The following KLHL10 variants were observed in gnomAD, a reference collection of about 807,000 sequenced individuals.
KLHL10 encodes kelch-like protein 10.
A neutral mutation model predicts 46.6 loss-of-function variants in KLHL10; 11 were observed. The observed-to-expected ratio is 0.24, with a 90% CI of 0.15 to 0.39. The LOEUF (loss-of-function observed/expected upper bound fraction) is 0.39, where lower values mean the gene tolerates loss of function less well. Ranked by LOEUF, KLHL10 falls within the 10% of genes least tolerant of loss-of-function variation. The probability of loss-of-function intolerance (pLI) is 1.00; values close to 1 mark genes in which losing one functional copy is unlikely to be tolerated. For synonymous variants in KLHL10, 254 were observed against 279.1 expected (o/e 0.91, Z 0.90); for missense variants, 475 against 789.8 (o/e 0.60, Z 4.78).
chr17:41,838,259 T>A (rs1330761625), intron 1 of KLHL10, 133 bp downstream of exon 1: 2 of 802,308 alleles, frequency 2.5e-6, no homozygotes, highest in African/African-American at 1.8e-5. Context: ...CCTTAAAAAT[T>A]AAAAAAAAAT....
rs1402652756 is a variant in KLHL10, at chr17:41,837,872, C to G, written c.-61C>G. The G allele has an allele frequency of 6.8e-6, 11 of 1,607,228 alleles. No homozygotes were observed. The highest frequency in any genetic ancestry group is 8.5e-6 in the Non-Finnish European group (10 of 1,178,844). ...AAGGAGCGACAGCTGGCTAAAGGGGCCCCCCACAACCCTCCCCGACACCCT... is the reference window on the plus strand; with the variant it reads ...AAGGAGCGACAGCTGGCTAAAGGGGGCCCCCACAACCCTCCCCGACACCCT... On this transcript the variant is annotated 5_prime_UTR_variant, in exon 1 of 5. Transcript: ENST00000293303.
At chr17:41,847,479 T>C in intron 4 of KLHL10, 69 bp downstream of exon 4, 1 of 1,580,126 alleles carries the variant, frequency 6.3e-7, no homozygotes, top group South Asian at 1.1e-5. Flanking sequence ...AGTAAATGGG[T>C]TTATGCTACT....
intron 1 of KLHL10, among the ~76,000 whole-genome samples, chr17:41,840,837 C>T (rs781986805): frequency 1.1e-4 from 17 of 151,982 alleles, no homozygotes; most frequent in Non-Finnish European, 1.9e-4. Flanking sequence ...AAGCAAAAGC[C>T]GGGCATGGTG....
At chr17:41,839,225 C>T (rs990953496) in intron 1 of KLHL10, among the ~76,000 whole-genome samples, 2 of 152,040 alleles carry the variant, frequency 1.3e-5, no homozygotes, top group African/African-American at 4.8e-5. Flanking sequence ...CACCTGACTT[C>T]GTGATCCACC....
chr17:41,846,332 C>T (rs934522135), intron 3 of KLHL10, among the ~76,000 whole-genome samples: 1 of 151,920 alleles, frequency 6.6e-6, no homozygotes, highest in African/African-American at 2.4e-5. Flanking sequence ...ACCATCCTGG[C>T]TAACATGGTG....
At position 41,847,400 on chromosome 17, in the gene KLHL10, A is replaced by G; in HGVS notation, c.1442A>G (p.His481Arg). Reference protein sequence around the residue: ...SGIGVIAYGEHVYAVGGFDGA... With the variant: ...SGIGVIAYGERVYAVGGFDGA... ...ATAGGCGTGATTGCTTATGGAGAACATGTATATGCGGTAAGTTTATCTAGT... is the reference window on the plus strand; with the variant it reads ...ATAGGCGTGATTGCTTATGGAGAACGTGTATATGCGGTAAGTTTATCTAGT... Residue 481 changes from histidine to arginine, a missense_variant, in exon 4 of 5, where the codon CAT becomes CGT. By Grantham distance (29) the His-to-Arg change is conservative. Coordinates refer to ENST00000293303, the MANE Select transcript of KLHL10 (RefSeq NM_152467.5). 1.2e-6 allele frequency: 2 copies of G among 1,614,092 alleles called. No homozygotes were observed. The highest frequency in any genetic ancestry group is 1.7e-6 in the Non-Finnish European group (2 of 1,179,984).
rs555345120 is a variant in KLHL10 at position 41,841,931 on chromosome 17, C to A, written c.303C>A (p.Thr101=). 3 of 1,614,198 alleles carry A rather than the reference C, an allele frequency of 1.9e-6. No homozygotes were observed. The highest frequency in any genetic ancestry group is 2.7e-5 in the African/African-American group (2 of 75,050). ...KLIIEYAYTR[T]VPITPDNVEK... ...TCATTGAGTATGCATACACCCGGAC[C>A]GTGCCTATCACACCGGACAATGTGG... The change falls in exon 2 of 5, where the codon ACC becomes ACA. Residue 101 remains threonine, a synonymous_variant. Transcript: ENST00000293303.
chr17:41,841,571 C>T (rs2048226623), intron 1 of KLHL10, among the ~76,000 whole-genome samples: 1 of 152,172 alleles, frequency 6.6e-6, no homozygotes, highest in African/African-American at 2.4e-5. Context: ...CTTCGGCCTC[C>T]CAAAGTGCTG....
At position 41,845,226 on chromosome 17, in the gene KLHL10, C is replaced by T. The variant is rs551889721; in HGVS notation, c.785C>T (p.Ala262Val). The stretch of plus-strand genomic sequence containing the variant: ...GAATGCAAACCAGTCATCATTAATG[C>T]CCTAAAGGCCATGTATGACCTCAAC... Reference protein sequence around the residue: ...SEECKPVIINALKAMYDLNMN... With the variant: ...SEECKPVIINVLKAMYDLNMN... The change falls in exon 3 of 5, where the codon GCC becomes GTC. Residue 262 changes from alanine (A) to valine (V), a missense_variant. Physicochemically the swap from Ala to Val is moderately conservative, Grantham distance 64. Coordinates refer to ENST00000293303, the MANE Select transcript of KLHL10 (RefSeq NM_152467.5). 2 of 1,614,190 alleles carry T rather than the reference C, an allele frequency of 1.2e-6. No individual in the cohort carries two copies. The highest frequency in any genetic ancestry group is 2.2e-5 in the South Asian group (2 of 91,082).
chr17:41,847,149 AG>A, intron 3 of KLHL10, 111 bp from the exon 4 acceptor site: 2 of 949,202 alleles, frequency 2.1e-6, no homozygotes, highest in East Asian at 2.4e-5. Context: ...TACAAAAAAA[AG>A]AAATTCAGAC....
chr17:41,845,085 C>T (rs1400271377), intron 2 of KLHL10, 41 bp from the exon 3 acceptor site: 3 of 1,613,786 alleles, frequency 1.9e-6, no homozygotes, highest in Non-Finnish European at 2.5e-6. Context: ...TTTCCTGGCA[C>T]TCTCACGTCA....
At chr17:41,847,226 TG>T in intron 3 of KLHL10, 34 bp from the exon 4 acceptor site, 1 of 1,604,148 alleles carries the variant, frequency 6.2e-7, no homozygotes, top group Non-Finnish European at 8.5e-7. Context: ...CTCCCTAGAG[TG>T]GGAATTTTAA....
intron 2 of KLHL10, 59 bp downstream of exon 2, chr17:41,842,371 G>A (rs2048235200): frequency 6.2e-7 from 1 of 1,600,334 alleles, no homozygotes; most frequent in Non-Finnish European, 8.5e-7. Context: ...GCAAAATTCA[G>A]ACATATGACA....
intron 2 of KLHL10, among the ~76,000 whole-genome samples, chr17:41,843,135 A>G (rs2048243843): frequency 6.6e-6 from 1 of 151,634 alleles, no homozygotes; most frequent in East Asian, 1.9e-4. Context: ...CAAAAAAAAA[A>G]AAAAAATTCT....
chr17:41,844,753 C>T (rs1014641468), intron 2 of KLHL10, among the ~76,000 whole-genome samples: 5 of 151,788 alleles, frequency 3.3e-5, no homozygotes, highest in East Asian at 1.9e-4. Flanking sequence ...TTTGCCATGT[C>T]GGTTAGCCTG....
chr17:41,835,962 C>A, upstream of KLHL10: 1 of 1,572,512 alleles, frequency 6.4e-7, no homozygotes, highest in Admixed American at 1.8e-5. Context: ...GCTCACCTGT[C>A]CCGAGACCCG....
chr17:41,845,325 C>T lies in KLHL10; in HGVS notation c.884C>T (p.Ala295Val), dbSNP rs782519681. Reference sequence around the variant, plus strand: ...CGCTTGCCCTATGCCATCCTCTTTGCAATTGGTGGCTGGAGTGGTGGGAGC... The same window carrying T: ...CGCTTGCCCTATGCCATCCTCTTTGTAATTGGTGGCTGGAGTGGTGGGAGC... Reference protein sequence around the residue: ...RPRLPYAILFAIGGWSGGSPT... With the variant: ...RPRLPYAILFVIGGWSGGSPT... Residue 295 changes from alanine to valine, a missense_variant, in exon 3 of 5, where the codon GCA (alanine) becomes GTA (valine). By Grantham distance (64) the Ala-to-Val change is moderately conservative. Coordinates refer to ENST00000293303, the MANE Select transcript of KLHL10 (RefSeq NM_152467.5). 2.5e-6 allele frequency: 4 copies of T among 1,614,092 alleles called. No individual in the cohort carries two copies. The highest frequency in any genetic ancestry group is 2.2e-5 in the South Asian group (2 of 91,086).
intron 2 of KLHL10, among the ~76,000 whole-genome samples, chr17:41,842,717 T>C (rs1567868685): frequency 6.6e-6 from 1 of 152,014 alleles, no homozygotes; most frequent in African/African-American, 2.4e-5. Context: ...ATGGGCGGAT[T>C]ACCTGAGGTC....
intron 4 of KLHL10, 26 bp downstream of exon 4, chr17:41,847,436 CACA>C: frequency 6.2e-7 from 1 of 1,612,086 alleles, no homozygotes. Flanking sequence ...ACCACACACA[CACA>C]AAAAACACAT....
Sources: allele counts gnomAD v4.1 joint callset (sites outside exome capture counted in the v4.1 genomes callset), GRCh38; gene constraint gnomAD v4.1.1; transcripts MANE v1.5; gene names NCBI Gene and HGNC (gene_info 2026-07-23, HGNC 2026-07-21).